Variants in ZBTB44 observed in about 807,000 individuals in gnomAD.
The protein encoded by ZBTB44 is zinc finger and BTB domain containing 44.
Under a neutral mutation model 54.0 loss-of-function variants are expected in ZBTB44, and 15 were observed. The ratio of observed to expected loss-of-function variants is 0.28; its 90% CI spans 0.19 to 0.43. ZBTB44 has a LOEUF of 0.43. ZBTB44 is among the 20% of genes least tolerant of loss of function. ZBTB44 has a pLI of 1.00. For synonymous variants in ZBTB44, 230 were observed against 250.1 expected (o/e 0.92, Z 0.76); for missense variants, 487 against 707.1 (o/e 0.69, Z 3.53).
chr11:130,273,782 T>C (rs542992200), intron 1 of ZBTB44, among the ~76,000 whole-genome samples: 4 of 152,248 alleles, frequency 2.6e-5, no homozygotes, highest in African/African-American at 9.6e-5. Flanking sequence ...TCCAAAATGC[T>C]TGGGGGCCAG....
In ZBTB44 at chr11:130,228,833, C is replaced by A. The variant is rs569328783; in HGVS notation, c.*2931G>T. 4 of 152,282 alleles carry A rather than the reference C, an allele frequency of 2.6e-5. No individual in the cohort carries two copies. Among genetic ancestry groups the A allele is most frequent in the African/African-American group, 9.6e-5 (4 of 41,546 alleles). 9.4% of individuals were successfully genotyped at this position (152,282 alleles called of 1,614,324 possible). On this transcript the variant is annotated 3_prime_UTR_variant, in exon 8 of 8. Transcript: ENST00000357899. Reference sequence around the variant, plus strand: ...AGGCACCAATTTTATCAGTATATCGCCACAACCGTGCCTGGGACTTTAAGC... The same window carrying A: ...AGGCACCAATTTTATCAGTATATCGACACAACCGTGCCTGGGACTTTAAGC...
chr11:130,262,494 A>G (rs1036268267), intron 1 of ZBTB44, among the ~76,000 whole-genome samples: 13 of 152,208 alleles, frequency 8.5e-5, no homozygotes, highest in Admixed American at 7.9e-4. Flanking sequence ...AATAATGACA[A>G]TTATAGAGTG....
At chr11:130,254,711 C>A (rs1285739401) in intron 2 of ZBTB44, among the ~76,000 whole-genome samples, 5 of 152,078 alleles carry the variant, frequency 3.3e-5, no homozygotes. Context: ...TTGACCCAGC[C>A]ATCCCATTAC....
chr11:130,267,863 G>A (rs1939372314), intron 1 of ZBTB44, among the ~76,000 whole-genome samples: 1 of 150,590 alleles, frequency 6.6e-6, no homozygotes, highest in African/African-American at 2.4e-5. Context: ...CCTGAGGTCA[G>A]GAGTTCGAGA....
intron 1 of ZBTB44, among the ~76,000 whole-genome samples, chr11:130,263,230 T>C (rs953030724): frequency 1.3e-5 from 2 of 152,206 alleles, no homozygotes; most frequent in African/African-American, 2.4e-5. Context: ...GAAGTTCGAA[T>C]GTAAACTGAG....
At chr11:130,243,230 A>G (rs1185815808) in intron 2 of ZBTB44, among the ~76,000 whole-genome samples, 1 of 152,164 alleles carries the variant, frequency 6.6e-6, no homozygotes, top group Non-Finnish European at 1.5e-5. Context: ...CATTTAAAAA[A>G]CACATTTTTT....
intron 1 of ZBTB44, chr11:130,296,262 G>A: frequency 6.9e-7 from 1 of 1,454,284 alleles, no homozygotes; most frequent in African/African-American, 1.4e-5. Flanking sequence ...GCAGGGATAT[G>A]TTGTTTGTCC....
chr11:130,255,189 G>A lies in ZBTB44; in HGVS notation c.1018+5667C>T, dbSNP rs147963750. Among the ~76,000 whole-genome samples the A allele has an allele frequency of 6.4e-3, 977 of 152,166 alleles. 19 individuals carry two copies. The highest frequency in any genetic ancestry group is 0.023 in the African/African-American group (939 of 41,502). On this transcript the variant is annotated intron_variant, in intron 2 of 7. Coordinates refer to ENST00000357899, the MANE Select transcript of ZBTB44 (RefSeq NM_001301098.2). ...GTATACATATGTAACAAATCTGCAC[G>A]TTGTGCACATGTTCCCTAGAACTTA...
At chr11:130,240,096 C>A (rs536690095) in intron 2 of ZBTB44, among the ~76,000 whole-genome samples, 200 bp from the exon 3 acceptor site, 2 of 142,428 alleles carry the variant, frequency 1.4e-5, no homozygotes, top group Admixed American at 1.5e-4. Flanking sequence ...GGCTGGAGTG[C>A]GGTGGCGCGA....
intron 1 of ZBTB44, among the ~76,000 whole-genome samples, chr11:130,292,173 A>G (rs991949485): frequency 6.6e-6 from 1 of 152,224 alleles, no homozygotes; most frequent in Admixed American, 6.5e-5. Context: ...AATTGTTGAT[A>G]GACTTGAGTT....
At chr11:130,290,445 T>C (rs779274378) in intron 1 of ZBTB44, among the ~76,000 whole-genome samples, 8 of 152,224 alleles carry the variant, frequency 5.3e-5, no homozygotes, top group Non-Finnish European at 8.8e-5. Flanking sequence ...TCTCTTCCCC[T>C]TTTCCTCCTA....
chr11:130,272,899 A>G (rs1183070078), intron 1 of ZBTB44, among the ~76,000 whole-genome samples: 1 of 152,158 alleles, frequency 6.6e-6, no homozygotes, highest in Non-Finnish European at 1.5e-5. Flanking sequence ...TGGACTCTCT[A>G]TTCCATTGAT....
At chr11:130,296,017 T>A in intron 1 of ZBTB44, 1 of 1,572,368 alleles carries the variant, frequency 6.4e-7, no homozygotes, top group Non-Finnish European at 8.7e-7. Flanking sequence ...AGGGTTTATG[T>A]ATAAAAACCT....
chr11:130,268,831 C>G (rs1202552073), intron 1 of ZBTB44, among the ~76,000 whole-genome samples: 1 of 151,474 alleles, frequency 6.6e-6, no homozygotes, highest in African/African-American at 2.4e-5. Context: ...CCACCTGACT[C>G]AGCCTCCCAA....
At chr11:130,248,552 A>T (rs1182599552) in intron 2 of ZBTB44, among the ~76,000 whole-genome samples, 1 of 151,876 alleles carries the variant, frequency 6.6e-6, no homozygotes, top group African/African-American at 2.4e-5. Flanking sequence ...GAGGCAGGAC[A>T]ATTACTTGAA....
rs1348541583 is a variant in ZBTB44, at chr11:130,238,800, T to C, written c.1104-193A>G. ...ATGTCCAGAATGCCTTTTGTTTTTT[T>C]TTTTTATTTTTTGAGACGGAGTTAG... On this transcript the variant is annotated intron_variant, in intron 3 of 7. Coordinates refer to ENST00000357899, the MANE Select transcript of ZBTB44 (RefSeq NM_001301098.2). The C allele has an allele frequency of 4.9e-6, 3 of 616,506 alleles. No individual in the cohort carries two copies. In the East Asian group the frequency reaches 9.9e-5, roughly 20 times the overall value. The allele number at this position is 616,506 out of a possible 1,614,324, so 38.2% of individuals were successfully genotyped here. A position where few individuals can be genotyped will look rare whatever the true frequency, so the allele number is the denominator to read the frequency against.
chr11:130,253,339 C>G (rs572428358), intron 2 of ZBTB44, among the ~76,000 whole-genome samples: 1 of 152,346 alleles, frequency 6.6e-6, no homozygotes, highest in South Asian at 2.1e-4. Context: ...AGCCCAAAAT[C>G]TCCTTAAGCT....
chr11:130,252,491 T>C (rs1316908770), intron 2 of ZBTB44, among the ~76,000 whole-genome samples: 1 of 152,190 alleles, frequency 6.6e-6, no homozygotes, highest in Non-Finnish European at 1.5e-5. Flanking sequence ...CAGCACCGCA[T>C]GGCACTTATT....
At chr11:130,300,185 A>C (rs1443458359) in intron 1 of ZBTB44, among the ~76,000 whole-genome samples, 1 of 152,218 alleles carries the variant, frequency 6.6e-6, no homozygotes, top group East Asian at 1.9e-4. Context: ...TTACTGTTTA[A>C]CGAGCACAGT....
Sources: gnomAD v4.1 joint callset for allele counts (sites outside exome capture counted in the v4.1 genomes callset) on GRCh38, gnomAD v4.1.1 for gene constraint, MANE v1.5 for transcripts, NCBI Gene and HGNC (gene_info 2026-07-23, HGNC 2026-07-21) for gene names.